The following DNAJC27 variants were observed in gnomAD, a reference collection of about 807,000 sequenced individuals.
DNAJC27 encodes the protein dnaJ homolog subfamily C member 27.
In DNAJC27, 25 loss-of-function variants were observed where a neutral mutation model predicts 31.4. That is an observed-to-expected ratio of 0.80 (90% CI 0.58 to 1.11). The LOEUF is 1.11. Among genes scored for constraint, DNAJC27 ranks in the 50% most tolerant of loss-of-function variants. The probability of loss-of-function intolerance (pLI) is 0.00; values close to 1 mark genes in which losing one functional copy is unlikely to be tolerated. For missense variants in DNAJC27, 356 were observed against 347.3 expected (o/e 1.02, Z -0.20); for synonymous variants, 106 against 112.7 (o/e 0.94, Z 0.37).
rs959698638 is a variant in DNAJC27, at chr2:24,944,059, G to A, written c.*3557C>T. 2 of 152,252 alleles carry A rather than the reference G, an allele frequency of 1.3e-5. No individual in the cohort carries two copies. The highest frequency in any genetic ancestry group is 4.8e-5 in the African/African-American group (2 of 41,472). The allele number at this position is 152,252 out of a possible 1,614,324, so 9.4% of individuals were successfully genotyped here. A position where few individuals can be genotyped will look rare whatever the true frequency, so the allele number is the denominator to read the frequency against. On this transcript the variant is annotated 3_prime_UTR_variant, in exon 7 of 7. Coordinates refer to ENST00000264711, the MANE Select transcript of DNAJC27 (RefSeq NM_016544.3). ...TACAATTGTGCTAAATACCAATTAT[G>A]AGAAGTACGAACCTCTCTTCACTTT...
At chr2:24,962,339 C>G (rs969075506) in intron 3 of DNAJC27, among the ~76,000 whole-genome samples, 6 of 151,966 alleles carry the variant, frequency 3.9e-5, no homozygotes, top group African/African-American at 1.5e-4. Flanking sequence ...TGGATCCCTG[C>G]AACCTCCGCC....
At chr2:24,961,923 T>C (rs1666051832) in intron 3 of DNAJC27, among the ~76,000 whole-genome samples, 1 of 152,098 alleles carries the variant, frequency 6.6e-6, no homozygotes, top group Non-Finnish European at 1.5e-5. Context: ...AGCAGCAGAG[T>C]TTAACTGAAT....
At chr2:24,960,173 A>G (rs1558554069) in intron 3 of DNAJC27, among the ~76,000 whole-genome samples, 1 of 150,236 alleles carries the variant, frequency 6.7e-6, no homozygotes, top group Non-Finnish European at 1.5e-5. Flanking sequence ...CACTTATAAT[A>G]CTTCAAACTT....
In DNAJC27 at chr2:24,958,004, G is replaced by A. The variant is rs191551912; in HGVS notation, c.241-30C>T. ...AAATAAAAGGACAGATACACAAAAC[G>A]TAGTTTTTGTGATGTTATAAGAATG... On this transcript the variant is annotated intron_variant, in intron 3 of 6. Coordinates refer to ENST00000264711, the MANE Select transcript of DNAJC27 (RefSeq NM_016544.3). 5.5e-5 allele frequency: 88 copies of A among 1,595,872 alleles called. No homozygotes were observed. The African/African-American group carries it at 8.7e-4, about 16-fold the overall frequency.
intron 3 of DNAJC27, among the ~76,000 whole-genome samples, chr2:24,958,829 T>C (rs911457034): frequency 1.3e-5 from 2 of 152,186 alleles, no homozygotes; most frequent in East Asian, 1.9e-4. Context: ...AGGAGCAGCA[T>C]TGACACATGG....
upstream of DNAJC27, chr2:24,972,066 G>T: frequency 1.9e-6 from 1 of 513,624 alleles, no homozygotes; most frequent in Non-Finnish European, 3.4e-6. Context: ...GCGGGCGGTT[G>T]GGAGCGTGGG....
At chr2:24,965,333 G>A (rs2149130065) in intron 2 of DNAJC27, among the ~76,000 whole-genome samples, 1 of 150,242 alleles carries the variant, frequency 6.7e-6, no homozygotes, top group African/African-American at 2.4e-5. Context: ...TTGGCTCACT[G>A]CAACCTCCGC....
Position 24,957,860 on chromosome 2 carries a change from C to T in DNAJC27, c.355G>A (p.Gly119Arg), listed in dbSNP as rs746429741. Residue 119 changes from glycine (G) to arginine (R), a missense_variant, in exon 4 of 7, where the codon GGA becomes AGA. Transcript: ENST00000264711. ...ATATTTTCCATGTTTCCATGAGGTC[C>T]AAGCTCTTGCTTCATTTCTGCCAGC... The part of the protein sequence containing the change: ...AWLAEMKQEL[G>R]PHGNMENIIF... 1.2e-6 allele frequency: 2 copies of T among 1,614,054 alleles called. No individual in the cohort carries two copies. The highest frequency in any genetic ancestry group is 2.7e-5 in the African/African-American group (2 of 74,936).
intron 2 of DNAJC27, among the ~76,000 whole-genome samples, chr2:24,963,825 A>G (rs1666110066): frequency 6.6e-6 from 1 of 152,230 alleles, no homozygotes; most frequent in Non-Finnish European, 1.5e-5. Context: ...AAGGAAAATG[A>G]AAAGTTTTAT....
intron 2 of DNAJC27, among the ~76,000 whole-genome samples, chr2:24,964,569 C>T (rs1666131126): frequency 6.6e-6 from 1 of 152,200 alleles, no homozygotes. Context: ...TTCCAGCCAT[C>T]TCTGAGGCCC....
intron 4 of DNAJC27, among the ~76,000 whole-genome samples, 162 bp from the exon 5 acceptor site, chr2:24,957,327 A>G (rs1472352316): frequency 6.6e-6 from 1 of 152,194 alleles, no homozygotes; most frequent in East Asian, 1.9e-4. Flanking sequence ...CAGAAACAAA[A>G]CTTAATATTG....
chr2:24,951,664 C>A, intron 5 of DNAJC27, 110 bp from the exon 6 acceptor site: 1 of 860,748 alleles, frequency 1.2e-6, no homozygotes, highest in East Asian at 2.8e-5. Context: ...TCTTAGAAGT[C>A]ATGTATAAAG....
At chr2:24,948,774 C>A (rs1477427648) in intron 6 of DNAJC27, among the ~76,000 whole-genome samples, 1 of 152,188 alleles carries the variant, frequency 6.6e-6, no homozygotes, top group Non-Finnish European at 1.5e-5. Flanking sequence ...CCAGAGGGCT[C>A]TAAGTACCCA....
chr2:24,967,412 C>G (rs1666216295), intron 1 of DNAJC27, 119 bp from the exon 2 acceptor site: 2 of 837,930 alleles, frequency 2.4e-6, no homozygotes, highest in Admixed American at 5.2e-5. Context: ...TTTCAAAAGA[C>G]AAAAGTGGCG....
intron 2 of DNAJC27, among the ~76,000 whole-genome samples, chr2:24,966,273 G>C (rs1666178416): frequency 1.3e-5 from 2 of 152,096 alleles, no homozygotes; most frequent in African/African-American, 4.8e-5. Flanking sequence ...AAGACAAAAG[G>C]GGAAAGGCCA....
At chr2:24,953,132 A>G (rs1048898028) in intron 5 of DNAJC27, among the ~76,000 whole-genome samples, 1 of 152,082 alleles carries the variant, frequency 6.6e-6, no homozygotes, top group African/African-American at 2.4e-5. Flanking sequence ...ATTATTATTG[A>G]ATAATACTCA....
In DNAJC27 at chr2:24,947,625, G is replaced by T; in HGVS notation, c.813C>A (p.Asn271Lys). ...CTTTTTTCTGTACTTTCTACTTGAT[G>T]TTTTTCAGGAGGGCTGTCCGAGCAT... ...VVNARTALLK[N>K]IK is the part of the protein sequence containing the mutation. Residue 271 changes from asparagine (N) to lysine (K), a missense_variant, in exon 7 of 7, where the codon AAC (asparagine) becomes AAA (lysine). Transcript: ENST00000264711. The T allele has an allele frequency of 6.2e-7, 1 of 1,603,870 alleles. No individual in the cohort carries two copies. Among genetic ancestry groups the T allele is most frequent in the Non-Finnish European group, 8.5e-7 (1 of 1,172,064 alleles).
chr2:24,958,505 C>G, intron 3 of DNAJC27: 1 of 333,302 alleles, frequency 3.0e-6, no homozygotes. Flanking sequence ...GAAAAGAGCA[C>G]AGGCTCTGGA....
chr2:24,949,399 G>A lies in DNAJC27; in HGVS notation c.690-1651C>T, dbSNP rs559356370. ...CACATGGGGTCAGTAGTTACACCCG[G>A]TCCTCTGCACTAAGAGTGCCTTTCA... On this transcript the variant is annotated intron_variant, in intron 6 of 6. Transcript: ENST00000264711. Among the ~76,000 whole-genome samples the A allele has an allele frequency of 4.6e-5, 7 of 152,296 alleles. No homozygotes were observed. The East Asian group carries it at 1.4e-3, about 29-fold the overall frequency.
Sources: gnomAD v4.1 joint callset for allele counts (sites outside exome capture counted in the v4.1 genomes callset) on GRCh38, gnomAD v4.1.1 for gene constraint, MANE v1.5 for transcripts, NCBI Gene and HGNC (gene_info 2026-07-23, HGNC 2026-07-21) for gene names.